Variants in PDGFC observed in about 807,000 individuals in gnomAD.
PDGFC encodes platelet derived growth factor C, also known as platelet-derived growth factor C.
A neutral mutation model predicts 35.5 loss-of-function variants in PDGFC; 12 were observed. The observed-to-expected ratio is 0.34, with a 90% CI of 0.22 to 0.55. The LOEUF is 0.55. Ranked by LOEUF, PDGFC falls within the 20% of genes least tolerant of loss-of-function variation. PDGFC has a pLI of 0.91. For missense variants in PDGFC, 322 were observed against 412.4 expected, an observed-to-expected ratio of 0.78 and a Z score of 1.90; for synonymous variants, 159 against 148.8, an observed-to-expected ratio of 1.07 and a Z score of -0.50.
intron 1 of PDGFC, among the ~76,000 whole-genome samples, chr4:156,868,418 T>G (rs1729898063): frequency 6.6e-6 from 1 of 152,148 alleles, no homozygotes; most frequent in Non-Finnish European, 1.5e-5. Context: ...ACACTACCCA[T>G]TAAGGATTAT....
At chr4:156,881,827 CAA>C (rs758716456) in intron 1 of PDGFC, among the ~76,000 whole-genome samples, 8,349 of 82,124 alleles carry the variant, frequency 0.1, 283 homozygotes, top group Middle Eastern at 0.18. Context: ...GCCTCAGTCT[CAA>C]AAAAAAAAAA....
intron 1 of PDGFC, among the ~76,000 whole-genome samples, chr4:156,862,883 C>T (rs748652702): frequency 1.1e-4 from 16 of 151,914 alleles, no homozygotes; most frequent in Non-Finnish European, 1.9e-4. Flanking sequence ...TTAGTAGAGA[C>T]GGGGTATCAC....
chr4:156,825,587 T>TAAGAAG (rs1390899557), intron 2 of PDGFC, among the ~76,000 whole-genome samples: 1,230 of 86,798 alleles, frequency 0.014, 10 homozygotes, highest in Middle Eastern at 0.021. Context: ...ATAATAATAA[T>TAAGAAG]AATAATAAGA....
chr4:156,892,718 A>T (rs982562733), intron 1 of PDGFC, among the ~76,000 whole-genome samples: 1 of 152,182 alleles, frequency 6.6e-6, no homozygotes. Context: ...CAGGCAAAGG[A>T]TTTTGGTTGG....
intron 2 of PDGFC, among the ~76,000 whole-genome samples, chr4:156,824,993 T>C (rs936070602): frequency 8.5e-5 from 13 of 152,206 alleles, no homozygotes; most frequent in African/African-American, 2.4e-4. Context: ...CCTTAATACA[T>C]GTGCCAACAA....
chr4:156,817,716 A>G (rs1270470127), intron 2 of PDGFC, among the ~76,000 whole-genome samples: 1 of 152,158 alleles, frequency 6.6e-6, no homozygotes, highest in East Asian at 1.9e-4. Context: ...TTTTATATGA[A>G]CAATTTTTAA....
chr4:156,941,708 T>C (rs1731810364), intron 1 of PDGFC, among the ~76,000 whole-genome samples: 1 of 152,274 alleles, frequency 6.6e-6, no homozygotes, highest in Middle Eastern at 3.4e-3. Context: ...CTTTTTGGTA[T>C]ATGAATACGT....
intron 1 of PDGFC, among the ~76,000 whole-genome samples, chr4:156,954,889 G>A (rs1732171267): frequency 6.6e-6 from 1 of 151,984 alleles, no homozygotes; most frequent in Admixed American, 6.6e-5. Flanking sequence ...GCTGTGTTGG[G>A]TCTAAGTGGG....
intron 1 of PDGFC, among the ~76,000 whole-genome samples, chr4:156,884,047 C>T (rs1730317118): frequency 6.6e-6 from 1 of 152,132 alleles, no homozygotes; most frequent in African/African-American, 2.4e-5. Flanking sequence ...GAACTAAAAG[C>T]AACTATTCTT....
Position 156,763,105 on chromosome 4 carries a change from C to G in PDGFC, c.1023G>C (p.Gly341=). The G allele has an allele frequency of 6.3e-7, 1 of 1,593,834 alleles. No individual in the cohort carries two copies. The highest frequency in any genetic ancestry group is 8.6e-7 in the Non-Finnish European group (1 of 1,161,682). ...GGTGATGCGGCTATCCTCCTGTGCT[C>G]CCTCTGCACACACAGTCACACTCCT... ...HHEECDCVCR[G]STGG is the part of the protein sequence containing the mutation. Residue 341 remains glycine, a synonymous_variant, in exon 6 of 6, where the codon GGG becomes GGC. Coordinates refer to ENST00000502773, the MANE Select transcript of PDGFC (RefSeq NM_016205.3).
At chr4:156,818,946 GC>G (rs1178924817) in intron 2 of PDGFC, among the ~76,000 whole-genome samples, 1 of 152,054 alleles carries the variant, frequency 6.6e-6, no homozygotes, top group Non-Finnish European at 1.5e-5. Flanking sequence ...AGAGGACCTT[GC>G]CACATAATAA....
At chr4:156,872,755 T>C (rs1730015717) in intron 1 of PDGFC, among the ~76,000 whole-genome samples, 1 of 152,174 alleles carries the variant, frequency 6.6e-6, no homozygotes, top group Non-Finnish European at 1.5e-5. Flanking sequence ...CAAATAAACA[T>C]TTAAGTACAC....
intron 3 of PDGFC, among the ~76,000 whole-genome samples, chr4:156,781,347 T>C (rs1023703022): frequency 6.6e-6 from 1 of 152,212 alleles, no homozygotes; most frequent in African/African-American, 2.4e-5. Flanking sequence ...ACAATGCCTT[T>C]GCCATTGTTG....
intron 1 of PDGFC, among the ~76,000 whole-genome samples, chr4:156,924,480 T>C (rs1731360398): frequency 2.0e-5 from 3 of 152,204 alleles, no homozygotes; most frequent in Admixed American, 6.5e-5. Flanking sequence ...GTAAGAGCCA[T>C]GCAGAGAATT....
At chr4:156,956,530 G>A (rs1732214397) in intron 1 of PDGFC, among the ~76,000 whole-genome samples, 1 of 151,984 alleles carries the variant, frequency 6.6e-6, no homozygotes, top group Admixed American at 6.6e-5. Context: ...TTAACCTCCT[G>A]CAAATGATCG....
chr4:156,850,134 C>G, intron 2 of PDGFC, 87 bp downstream of exon 2: 1 of 635,296 alleles, frequency 1.6e-6, no homozygotes, highest in Non-Finnish European at 2.5e-6. Context: ...CAAAAGATGT[C>G]ATTTAAAATC....
At chr4:156,768,316 TAA>T (rs34242897) in intron 4 of PDGFC, among the ~76,000 whole-genome samples, 16,732 of 139,116 alleles carry the variant, frequency 0.12, 1,238 homozygotes, top group African/African-American at 0.2. Context: ...TTAACCTTAG[TAA>T]AAAAAAAAAA....
chr4:156,970,914 G>T lies in PDGFC; in HGVS notation c.-11C>A, dbSNP rs768950534. ...CCCGAAGAGGCTCATTTGGCTGACTGGGGTGAGAGCTCACTCACGGCGGGC... is the reference window on the plus strand; with the variant it reads ...CCCGAAGAGGCTCATTTGGCTGACTTGGGTGAGAGCTCACTCACGGCGGGC... On this transcript the variant is annotated 5_prime_UTR_variant, in exon 1 of 6. Transcript: ENST00000502773. The T allele has an allele frequency of 1.3e-6, 2 of 1,577,420 alleles. No individual in the cohort carries two copies. Among genetic ancestry groups the T allele is most frequent in the Non-Finnish European group, 1.7e-6 (2 of 1,147,204 alleles).
chr4:156,763,927 T>C (rs779088608), intron 5 of PDGFC, among the ~76,000 whole-genome samples: 4 of 152,230 alleles, frequency 2.6e-5, no homozygotes, highest in African/African-American at 9.6e-5. Context: ...TTGACACTTA[T>C]GCTACACATA....
Sources: allele counts gnomAD v4.1 joint callset (sites outside exome capture counted in the v4.1 genomes callset), GRCh38; gene constraint gnomAD v4.1.1; transcripts MANE v1.5; gene names NCBI Gene and HGNC (gene_info 2026-07-23, HGNC 2026-07-21).